The following MTREX variants were observed in gnomAD, a reference collection of about 807,000 sequenced individuals.
MTREX encodes the protein Mtr4 exosome RNA helicase.
In MTREX, 76 loss-of-function variants were observed where a neutral mutation model predicts 135.4. That is an observed-to-expected ratio of 0.56 (90% CI 0.47 to 0.68). The LOEUF (loss-of-function observed/expected upper bound fraction) is 0.68. Ranked by LOEUF, MTREX falls within the 30% of genes least tolerant of loss-of-function variation. MTREX has a pLI of 0.00. For synonymous variants in MTREX, 404 were observed against 401.6 expected, an observed-to-expected ratio of 1.01 and a Z score of -0.07; for missense variants, 920 against 1,262.1, an observed-to-expected ratio of 0.73 and a Z score of 4.11.
intron 19 of MTREX, among the ~76,000 whole-genome samples, chr5:55,394,263 A>G (rs187527870): frequency 3.8e-4 from 58 of 152,284 alleles, no homozygotes; most frequent in African/African-American, 1.3e-3. Flanking sequence ...GATGTCGGCT[A>G]TGTGGTATTG....
At chr5:55,397,933 A>G (rs953802940) in intron 20 of MTREX, among the ~76,000 whole-genome samples, 3 of 152,156 alleles carry the variant, frequency 2.0e-5, no homozygotes, top group Non-Finnish European at 2.9e-5. Flanking sequence ...TTAATTTCCT[A>G]GTAGAAAAAA....
At position 55,366,026 on chromosome 5, in the gene MTREX, G is replaced by C. The variant is rs554926197; in HGVS notation, c.1660-699G>C. Among the ~76,000 whole-genome samples the C allele has an allele frequency of 3.5e-4, 53 of 151,636 alleles. 1 individual carries two copies. The East Asian group carries it at 9.5e-3, about 27-fold the overall frequency. On this transcript the variant is annotated intron_variant, in intron 15 of 26. Transcript: ENST00000230640. ...AAAAAACTTCTGAAGAGACACTGCT[G>C]AAAGAGAAGTTTATGTGTGAAGGAA...
chr5:55,393,333 G>A (rs1750599265), intron 19 of MTREX, among the ~76,000 whole-genome samples: 1 of 152,100 alleles, frequency 6.6e-6, no homozygotes, highest in Non-Finnish European at 1.5e-5. Flanking sequence ...ATTTTTGGAG[G>A]TCCTTACTCC....
At chr5:55,314,361 A>G (rs1036505135) in intron 1 of MTREX, among the ~76,000 whole-genome samples, 6 of 152,234 alleles carry the variant, frequency 3.9e-5, no homozygotes, top group Admixed American at 3.3e-4. Flanking sequence ...GATGGAGTTC[A>G]TGCTGCTAAT....
intron 5 of MTREX, among the ~76,000 whole-genome samples, chr5:55,333,477 A>G (rs1328760041): frequency 1.3e-5 from 2 of 152,146 alleles, no homozygotes; most frequent in East Asian, 3.8e-4. Context: ...CATATGTATA[A>G]TAATTTGATT....
intron 16 of MTREX, among the ~76,000 whole-genome samples, chr5:55,371,400 A>G (rs1002053991): frequency 6.6e-6 from 1 of 152,140 alleles, no homozygotes; most frequent in African/African-American, 2.4e-5. Context: ...ACTATATTAT[A>G]TACTATAAAT....
chr5:55,314,564 A>G (rs1357380019), intron 1 of MTREX, among the ~76,000 whole-genome samples: 1 of 152,220 alleles, frequency 6.6e-6, no homozygotes, highest in Admixed American at 6.5e-5. Flanking sequence ...GATCTCTAGA[A>G]GTGGAAGTGG....
intron 1 of MTREX, among the ~76,000 whole-genome samples, chr5:55,309,060 G>GA (rs1749050558): frequency 6.6e-6 from 1 of 152,150 alleles, no homozygotes; most frequent in Non-Finnish European, 1.5e-5. Flanking sequence ...AAAAGTTCAA[G>GA]AAAGGGAGAT....
intron 22 of MTREX, among the ~76,000 whole-genome samples, chr5:55,409,877 C>T (rs1750859788): frequency 6.6e-6 from 1 of 152,110 alleles, no homozygotes; most frequent in Non-Finnish European, 1.5e-5. Flanking sequence ...TCTTGCCCAT[C>T]TTGGTTATAT....
chr5:55,370,462 G>T (rs192362010), intron 16 of MTREX, among the ~76,000 whole-genome samples: 49 of 152,228 alleles, frequency 3.2e-4, no homozygotes, highest in African/African-American at 1.2e-3. Flanking sequence ...AAAGGATTGT[G>T]AGTAACATGA....
intron 18 of MTREX, among the ~76,000 whole-genome samples, chr5:55,386,977 A>G (rs1033543361): frequency 2.0e-5 from 3 of 152,096 alleles, no homozygotes; most frequent in African/African-American, 7.2e-5. Flanking sequence ...CTCATTTCAT[A>G]ATGACTGAAC....
intron 25 of MTREX, among the ~76,000 whole-genome samples, chr5:55,422,287 CTTT>C (rs1244208612): frequency 6.6e-6 from 1 of 152,200 alleles, no homozygotes; most frequent in Non-Finnish European, 1.5e-5. Context: ...GAAAAGGCTT[CTTT>C]CCTTGTGCTC....
intron 22 of MTREX, among the ~76,000 whole-genome samples, chr5:55,408,275 C>T (rs1302635699): frequency 6.6e-6 from 1 of 152,204 alleles, no homozygotes; most frequent in African/African-American, 2.4e-5. Context: ...GAAACTTGCT[C>T]TGAACTTCTT....
intron 9 of MTREX, 121 bp downstream of exon 9, chr5:55,344,741 G>T: frequency 1.6e-6 from 1 of 611,872 alleles, no homozygotes; most frequent in Non-Finnish European, 2.8e-6. Flanking sequence ...GTTTGTCTTA[G>T]TTTTAATCAA....
chr5:55,346,970 C>G, intron 10 of MTREX, 43 bp from the exon 11 acceptor site: 1 of 1,495,568 alleles, frequency 6.7e-7, no homozygotes, highest in Non-Finnish European at 9.0e-7. Flanking sequence ...GATCTGTGAT[C>G]TATTTTGAGT....
intron 16 of MTREX, among the ~76,000 whole-genome samples, chr5:55,373,194 G>A (rs951919934): frequency 1.3e-5 from 2 of 148,960 alleles, no homozygotes. Flanking sequence ...CTTATTATAG[G>A]TCATAAGACC....
intron 13 of MTREX, among the ~76,000 whole-genome samples, chr5:55,351,740 A>C (rs1424202167): frequency 6.6e-6 from 1 of 152,084 alleles, no homozygotes. Flanking sequence ...AGAGCATCTG[A>C]TTTACTTTTT....
At chr5:55,324,528 A>G (rs1579849219) in intron 3 of MTREX, 1 of 125,030 alleles carries the variant, frequency 8.0e-6, no homozygotes, top group South Asian at 2.9e-4. Flanking sequence ...GCTTACTGCA[A>G]CCTCCGCCTC....
At chr5:55,377,233 A>G (rs1275081373) in intron 16 of MTREX, among the ~76,000 whole-genome samples, 4 of 152,174 alleles carry the variant, frequency 2.6e-5, no homozygotes, top group African/African-American at 4.8e-5. Context: ...AGGCTGAAGC[A>G]GGAGAGTGGT....
Sources: gnomAD v4.1 joint callset for allele counts (sites outside exome capture counted in the v4.1 genomes callset) on GRCh38, gnomAD v4.1.1 for gene constraint, MANE v1.5 for transcripts, NCBI Gene and HGNC (gene_info 2026-07-23, HGNC 2026-07-21) for gene names.